The following NDFIP1 variants were observed in gnomAD, a reference collection of about 807,000 sequenced individuals.
The protein encoded by NDFIP1 is Nedd4 family interacting protein 1.
In NDFIP1, 7 loss-of-function variants were observed where a neutral mutation model predicts 28.8. The observed-to-expected ratio is 0.24, with a 90% CI of 0.14 to 0.46. NDFIP1 has a LOEUF of 0.46. NDFIP1 is among the 20% of genes least tolerant of loss of function. NDFIP1 has a pLI of 0.99. For missense variants in NDFIP1, 194 were observed against 269.1 expected, an observed-to-expected ratio of 0.72 and a Z score of 1.95; for synonymous variants, 92 against 101.0, an observed-to-expected ratio of 0.91 and a Z score of 0.53.
chr5:142,109,778 A>G (rs186828527), intron 1 of NDFIP1, among the ~76,000 whole-genome samples: 1 of 152,204 alleles, frequency 6.6e-6, no homozygotes, highest in Admixed American at 6.5e-5. Flanking sequence ...GATTTAATAC[A>G]TTGAGGCCCC....
chr5:142,114,659 G>A (rs746275994), intron 1 of NDFIP1, among the ~76,000 whole-genome samples: 23 of 152,116 alleles, frequency 1.5e-4, no homozygotes, highest in Middle Eastern at 3.2e-3. Flanking sequence ...GAAAACAAAT[G>A]GTATGATATT....
At chr5:142,115,379 G>A (rs1340874288) in intron 1 of NDFIP1, among the ~76,000 whole-genome samples, 2 of 152,082 alleles carry the variant, frequency 1.3e-5, no homozygotes, top group African/African-American at 4.8e-5. Context: ...CGCCTCCCAG[G>A]TTCAAGCGAT....
chr5:142,124,677 C>T (rs1006325059), intron 1 of NDFIP1, among the ~76,000 whole-genome samples: 1 of 152,142 alleles, frequency 6.6e-6, no homozygotes, highest in Non-Finnish European at 1.5e-5. Flanking sequence ...TTTCCTTTGG[C>T]AAATTTTGAT....
chr5:142,148,777 AGTATGTGACTGAGG>A (rs1757417323), intron 7 of NDFIP1, among the ~76,000 whole-genome samples: 1 of 95,986 alleles, frequency 1.0e-5, no homozygotes. Context: ...AAAAAAAAAA[AGTATGTGACTGAGG>A]AAGCAGAAGA....
intron 7 of NDFIP1, among the ~76,000 whole-genome samples, chr5:142,147,117 A>T (rs1170798175): frequency 6.6e-6 from 1 of 152,168 alleles, no homozygotes; most frequent in Non-Finnish European, 1.5e-5. Context: ...TTTAACTGTG[A>T]TACCCTGGTT....
chr5:142,121,164 A>G (rs1172957383), intron 1 of NDFIP1, among the ~76,000 whole-genome samples: 6 of 152,254 alleles, frequency 3.9e-5, no homozygotes, highest in Non-Finnish European at 5.9e-5. Context: ...AGAAGAAACA[A>G]TATTGTAGGA....
chr5:142,136,936 C>G (rs980557039), intron 4 of NDFIP1, among the ~76,000 whole-genome samples: 2 of 148,966 alleles, frequency 1.3e-5, no homozygotes, highest in Admixed American at 6.7e-5. Flanking sequence ...CCGGGCCTGG[C>G]GGTGCACGCC....
At chr5:142,142,940 A>AAAAATATAT (rs60076432) in intron 6 of NDFIP1, 19 of 38,144 alleles carry the variant, frequency 5.0e-4, no homozygotes, top group African/African-American at 1.3e-4. Flanking sequence ...AAAAAAAAAA[A>AAAAATATAT]ATATATATAT....
intron 6 of NDFIP1, among the ~76,000 whole-genome samples, chr5:142,141,151 T>C (rs1335016938): frequency 1.3e-5 from 2 of 149,796 alleles, no homozygotes; most frequent in African/African-American, 4.9e-5. Flanking sequence ...AGAACTATTT[T>C]ACAATAGGCA....
At position 142,140,636 on chromosome 5, in the gene NDFIP1, GT is replaced by G; in HGVS notation, c.562+12del. 1.9e-6 allele frequency: 3 copies of G among 1,603,342 alleles called. No individual in the cohort carries two copies. On this transcript the variant is annotated splice_region_variant and intron_variant, in intron 6 of 7. Transcript: ENST00000253814. ...TGGGTGTTCCTTGTTTTAGGTAAGT[GT>G]TTTTAATGTAAGAAAAGGCAAGAAA...
intron 1 of NDFIP1, among the ~76,000 whole-genome samples, chr5:142,114,482 C>G (rs2126909814): frequency 6.6e-6 from 1 of 152,194 alleles, no homozygotes; most frequent in East Asian, 1.9e-4. Context: ...ATGGAAATTT[C>G]AAACACATAC....
rs1304122007 is a variant in NDFIP1 at position 142,108,971 on chromosome 5, C to T, written c.-4C>T. 1 of 1,444,010 alleles carries T rather than the reference C, an allele frequency of 6.9e-7. No individual in the cohort carries two copies. Among genetic ancestry groups the T allele is most frequent in the South Asian group, 1.3e-5 (1 of 74,786 alleles). The allele number at this position is 1,444,010 out of a possible 1,614,324, so 89.4% of individuals were successfully genotyped here. A position where few individuals can be genotyped will look rare whatever the true frequency, so the allele number is the denominator to read the frequency against. ...CGCTCTGCTTCCCTGCTGCCGGCTG[C>T]GCCATGGCGTTGGCGTTGGCGGCGC... On this transcript the variant is annotated 5_prime_UTR_variant, in exon 1 of 8. Coordinates refer to ENST00000253814, the MANE Select transcript of NDFIP1 (RefSeq NM_030571.4).
intron 5 of NDFIP1, 164 bp downstream of exon 5, chr5:142,138,022 A>G: frequency 1.3e-6 from 1 of 761,666 alleles, no homozygotes; most frequent in East Asian, 2.9e-5. Context: ...ATCATTTGCA[A>G]ATGGTTCATG....
At chr5:142,113,620 T>G (rs1343631251) in intron 1 of NDFIP1, among the ~76,000 whole-genome samples, 1 of 152,236 alleles carries the variant, frequency 6.6e-6, no homozygotes, top group Non-Finnish European at 1.5e-5. Flanking sequence ...TTAGTGGCAT[T>G]AAGTACATTC....
chr5:142,136,840 C>T (rs184421875), intron 4 of NDFIP1, among the ~76,000 whole-genome samples: 11 of 148,530 alleles, frequency 7.4e-5, no homozygotes, highest in East Asian at 6.0e-4. Context: ...CTGAGGTGGG[C>T]GAATCACCTG....
At chr5:142,113,679 A>G (rs1433138405) in intron 1 of NDFIP1, among the ~76,000 whole-genome samples, 1 of 152,214 alleles carries the variant, frequency 6.6e-6, no homozygotes, top group African/African-American at 2.4e-5. Context: ...ACCTTGCAGA[A>G]CTGAAACTCC....
chr5:142,153,000 G>T lies in NDFIP1; in HGVS notation c.*1272G>T. ...CTGTAAAAGATAATGGACTAAAAAA[G>T]TAGAGAGGAGTTGTAGAGATCTTAA... On this transcript the variant is annotated 3_prime_UTR_variant, in exon 8 of 8. Transcript: ENST00000253814. 1 of 298,634 alleles carries T rather than the reference G, an allele frequency of 3.3e-6. No individual in the cohort carries two copies. Among genetic ancestry groups the T allele is most frequent in the Non-Finnish European group, 6.6e-6 (1 of 152,582 alleles). The allele number at this position is 298,634 out of a possible 1,614,324, so 18.5% of individuals were successfully genotyped here.
Position 142,109,047 on chromosome 5 carries a change from G to C in NDFIP1, c.63+10G>C, listed in dbSNP as rs1420588850. ...CAGCCGGTACCAGCAGGTAAGCGGC[G>C]CCCGACTCCAGCCCCGAACTCCGGT... On this transcript the variant is annotated intron_variant, in intron 1 of 7. Coordinates refer to ENST00000253814, the MANE Select transcript of NDFIP1 (RefSeq NM_030571.4). The C allele has an allele frequency of 7.1e-7, 1 of 1,409,800 alleles. No homozygotes were observed. Among genetic ancestry groups the C allele is most frequent in the Non-Finnish European group, 9.2e-7 (1 of 1,081,710 alleles). The allele number at this position is 1,409,800 out of a possible 1,614,324, so 87.3% of individuals were successfully genotyped here.
At chr5:142,115,136 A>G (rs776323951) in intron 1 of NDFIP1, among the ~76,000 whole-genome samples, 4 of 152,192 alleles carry the variant, frequency 2.6e-5, no homozygotes, top group Admixed American at 1.3e-4. Flanking sequence ...TCATATTTTT[A>G]TTAAGAAAGA....
Sources: gnomAD v4.1 joint callset for allele counts (sites outside exome capture counted in the v4.1 genomes callset) on GRCh38, gnomAD v4.1.1 for gene constraint, MANE v1.5 for transcripts, NCBI Gene and HGNC (gene_info 2026-07-23, HGNC 2026-07-21) for gene names.